The following GGACT variants were observed in gnomAD, a reference collection of about 807,000 sequenced individuals.
GGACT encodes gamma-glutamylaminecyclotransferase.
For synonymous variants in GGACT, 118 were observed against 115.3 expected (o/e 1.02, Z -0.15); for missense variants, 241 against 233.2 (o/e 1.03, Z -0.22).
intron 2 of GGACT, among the ~76,000 whole-genome samples, chr13:100,544,994 C>A (rs1425326248): frequency 6.6e-6 from 1 of 152,206 alleles, no homozygotes. Flanking sequence ...CCTGCTGCCT[C>A]CTGGTGTGAC....
intron 2 of GGACT, among the ~76,000 whole-genome samples, chr13:100,559,492 A>C (rs573245400): frequency 9.3e-5 from 14 of 149,880 alleles, no homozygotes; most frequent in African/African-American, 3.4e-4. Context: ...CGACCTGTAC[A>C]TTTTATTTTT....
At chr13:100,543,332 T>G (rs909201144) in intron 2 of GGACT, among the ~76,000 whole-genome samples, 1 of 148,686 alleles carries the variant, frequency 6.7e-6, no homozygotes, top group South Asian at 2.2e-4. Flanking sequence ...CTCAGCCTCC[T>G]GAGTAGCTGG....
Position 100,551,847 on chromosome 13 carries a change from C to T in GGACT, c.-10-19246G>A, listed in dbSNP as rs374236322. On this transcript the variant is annotated intron_variant, in intron 2 of 2. Coordinates refer to ENST00000683975, the MANE Select transcript of GGACT (RefSeq NM_001195087.2). ...TTCTCTCCCTTCCCTTTGCCCCCAT[C>T]TAAAGGCAATTCCCTAGGGAGCAGG... 9.2e-5 allele frequency among the ~76,000 whole-genome samples: 14 copies of T among 152,362 alleles called. No individual in the cohort carries two copies. In the East Asian group the frequency reaches 1.9e-3, roughly 21 times the overall value.
chr13:100,543,277 G>C (rs1265764089), intron 2 of GGACT, among the ~76,000 whole-genome samples: 4 of 127,382 alleles, frequency 3.1e-5, no homozygotes, highest in Non-Finnish European at 6.2e-5. Flanking sequence ...GCGCGATCTC[G>C]GCTCACTGCA....
At chr13:100,569,630 C>T (rs956423555) in intron 2 of GGACT, among the ~76,000 whole-genome samples, 2 of 152,224 alleles carry the variant, frequency 1.3e-5, no homozygotes, top group African/African-American at 4.8e-5. Flanking sequence ...GAGACATTTT[C>T]GCCACTGTCT....
At chr13:100,563,118 G>A (rs894555615) in intron 2 of GGACT, among the ~76,000 whole-genome samples, 11 of 152,292 alleles carry the variant, frequency 7.2e-5, no homozygotes, top group African/African-American at 1.9e-4. Context: ...GAAGCCACCC[G>A]GTCTGTGGCA....
At chr13:100,588,012 C>T (rs1264440051) in intron 1 of GGACT, among the ~76,000 whole-genome samples, 1 of 152,174 alleles carries the variant, frequency 6.6e-6, no homozygotes, top group African/African-American at 2.4e-5. Flanking sequence ...GGCAACAGGG[C>T]AAGACTTCAT....
At chr13:100,563,810 C>A (rs530221648) in intron 2 of GGACT, among the ~76,000 whole-genome samples, 1 of 152,334 alleles carries the variant, frequency 6.6e-6, no homozygotes, top group East Asian at 1.9e-4. Context: ...ATGCAGCCCC[C>A]AACAGGTTGG....
chr13:100,567,245 G>C (rs1874922242), intron 2 of GGACT, among the ~76,000 whole-genome samples: 1 of 152,172 alleles, frequency 6.6e-6, no homozygotes, highest in Non-Finnish European at 1.5e-5. Context: ...GAGGGATTTT[G>C]AAACCATGCA....
At chr13:100,532,880 G>T (rs575824950) in intron 2 of GGACT, among the ~76,000 whole-genome samples, 6 of 152,372 alleles carry the variant, frequency 3.9e-5, no homozygotes, top group African/African-American at 1.4e-4. Context: ...TAACCTGTGG[G>T]CATGGTGTTT....
intron 1 of GGACT, among the ~76,000 whole-genome samples, chr13:100,587,843 T>C (rs540952395): frequency 9.8e-5 from 15 of 152,300 alleles, no homozygotes; most frequent in East Asian, 3.9e-4. Flanking sequence ...CTGGCCAACA[T>C]GGTGAAACCC....
chr13:100,542,586 G>T (rs943384686), intron 2 of GGACT, among the ~76,000 whole-genome samples: 2 of 152,114 alleles, frequency 1.3e-5, no homozygotes, highest in African/African-American at 4.8e-5. Flanking sequence ...TGCAGATGTC[G>T]TTCCCTGATG....
chr13:100,588,164 G>C (rs1270704517), intron 1 of GGACT, among the ~76,000 whole-genome samples: 1 of 152,212 alleles, frequency 6.6e-6, no homozygotes, highest in African/African-American at 2.4e-5. Flanking sequence ...TTGGCCCACA[G>C]AGTAAAACAG....
intron 2 of GGACT, among the ~76,000 whole-genome samples, chr13:100,572,928 A>G (rs933732016): frequency 2.0e-5 from 3 of 152,138 alleles, no homozygotes; most frequent in African/African-American, 7.2e-5. Context: ...CTGCTAAAGG[A>G]AAAAAATAGA....
In GGACT at chr13:100,560,956, A is replaced by G. The variant is rs566434682; in HGVS notation, c.-11+22869T>C. ...AGGCTGCGCACCCCGCATCTCCTCC[A>G]GGGCCTGGGATAGTGGGCTGGTGGG... On this transcript the variant is annotated intron_variant, in intron 2 of 2. Transcript: ENST00000683975. Among the ~76,000 whole-genome samples, 6 of 152,304 alleles carry G rather than the reference A, an allele frequency of 3.9e-5. No homozygotes were observed. In the South Asian group the frequency reaches 1.2e-3, roughly 32 times the overall value.
chr13:100,588,533 G>C (rs1159502256), intron 1 of GGACT: 3 of 152,120 alleles, frequency 2.0e-5, no homozygotes, highest in African/African-American at 7.2e-5. Context: ...GACGCGTTTC[G>C]GGGTCCACCG....
At position 100,534,979 on chromosome 13, in the gene GGACT, C is replaced by T. The variant is rs2088470970; in HGVS notation, c.-10-2378G>A. Among the ~76,000 whole-genome samples the T allele has an allele frequency of 6.6e-6, 1 of 152,234 alleles. No homozygotes were observed. The highest frequency in any genetic ancestry group is 2.4e-5 in the African/African-American group (1 of 41,458). ...CTGTCACATCACTCTGTCTGGTTGT[C>T]GTTATAGCACACGTGCTCTCTAAAT... On this transcript the variant is annotated intron_variant, in intron 2 of 2. Coordinates refer to ENST00000683975, the MANE Select transcript of GGACT (RefSeq NM_001195087.2). The surrounding 1 kb of genome is among the most constrained non-coding windows in gnomAD (Gnocchi z 4.9).
At chr13:100,586,974 T>C (rs1422154202) in intron 1 of GGACT, 1 of 152,238 alleles carries the variant, frequency 6.6e-6, no homozygotes, top group South Asian at 2.1e-4. Flanking sequence ...TGGGCAGTCA[T>C]GTTTAATTGA....
chr13:100,540,724 T>TGAA (rs2088544890), intron 2 of GGACT, among the ~76,000 whole-genome samples: 1 of 152,262 alleles, frequency 6.6e-6, no homozygotes, highest in Non-Finnish European at 1.5e-5. Flanking sequence ...TCCTTGTCTC[T>TGAA]CATGTTCAGC....
Sources: allele counts gnomAD v4.1 joint callset (sites outside exome capture counted in the v4.1 genomes callset), GRCh38; gene constraint gnomAD v4.1.1; non-coding constraint Gnocchi (gnomAD v3.1); transcripts MANE v1.5; gene names NCBI Gene and HGNC (gene_info 2026-07-23, HGNC 2026-07-21).